Variants in ERBB4 observed in about 807,000 individuals in gnomAD.
ERBB4 encodes the protein erb-b2 receptor tyrosine kinase 4, also known as receptor tyrosine-protein kinase erbB-4.
ERBB4 carries 42 observed loss-of-function variants against 158.0 expected under a neutral mutation model. The ratio of observed to expected loss-of-function variants is 0.27; its 90% confidence interval spans 0.21 to 0.34. The LOEUF is 0.34. Among genes scored for constraint, ERBB4 ranks in the 10% least tolerant of loss-of-function variants. The pLI is 1.00. For synonymous variants in ERBB4, 583 were observed against 558.7 expected, an observed-to-expected ratio of 1.04 and a Z score of -0.61; for missense variants, 1,333 against 1,624.1, an observed-to-expected ratio of 0.82 and a Z score of 3.08.
rs918010432 is a variant in ERBB4, at chr2:211,384,080, T to C, written c.3482-20A>G. On this transcript the variant is annotated intron_variant, in intron 27 of 27. Coordinates refer to ENST00000342788, the MANE Select transcript of ERBB4 (RefSeq NM_005235.3). ...GGTATTCTAAAGGAATAAAAAAATA[T>C]CAGCTAACCTCTAGTTTCTGGAAAA... 5 of 1,560,088 alleles carry C rather than the reference T, an allele frequency of 3.2e-6. No homozygotes were observed. The highest frequency in any genetic ancestry group is 4.4e-6 in the Non-Finnish European group (5 of 1,131,042).
At chr2:212,141,667 T>G (rs1568519) in intron 1 of ERBB4, among the ~76,000 whole-genome samples, 16,841 of 151,940 alleles carry the variant, frequency 0.11, 1,417 homozygotes, top group African/African-American at 0.24. Flanking sequence ...ATTCTCTCTT[T>G]CCATAACCCA....
At chr2:212,112,905 C>T (rs550888639) in intron 2 of ERBB4, among the ~76,000 whole-genome samples, 1 of 152,248 alleles carries the variant, frequency 6.6e-6, no homozygotes, top group Non-Finnish European at 1.5e-5. Flanking sequence ...TTTAACACAG[C>T]TTATTATCTG....
chr2:212,202,377 G>T (rs945116188), intron 1 of ERBB4, among the ~76,000 whole-genome samples: 5 of 151,914 alleles, frequency 3.3e-5, no homozygotes, highest in Non-Finnish European at 7.4e-5. Flanking sequence ...TTGAGATAGG[G>T]TCTCACTGTC....
rs143896296 is a variant in ERBB4, at chr2:211,590,024, G to A, written c.2302-27936C>T. Reference sequence around the variant, plus strand: ...ATTTTCAAATGTACACATTTATTCTGTTTCTAGAAAAATTACTGGCAGAAA... The same window carrying A: ...ATTTTCAAATGTACACATTTATTCTATTTCTAGAAAAATTACTGGCAGAAA... On this transcript the variant is annotated intron_variant, in intron 19 of 27. Transcript: ENST00000342788. Among the ~76,000 whole-genome samples the A allele has an allele frequency of 5.1e-3, 778 of 152,192 alleles. 7 individuals carry two copies. Among genetic ancestry groups the A allele is most frequent in the African/African-American group, 0.018 (740 of 41,538 alleles).
At chr2:211,812,105 C>G (rs555334584) in intron 3 of ERBB4, among the ~76,000 whole-genome samples, 1 of 152,172 alleles carries the variant, frequency 6.6e-6, no homozygotes, top group African/African-American at 2.4e-5. Flanking sequence ...GGAGAAGACG[C>G]GCTCTGCTTT....
At chr2:212,186,077 A>G (rs781449885) in intron 1 of ERBB4, among the ~76,000 whole-genome samples, 70 of 152,202 alleles carry the variant, frequency 4.6e-4, no homozygotes, top group Non-Finnish European at 8.7e-4. Flanking sequence ...TCACCTAACA[A>G]AACCCAAGGC....
At chr2:212,503,857 A>G (rs1024410019) in intron 1 of ERBB4, among the ~76,000 whole-genome samples, 41 of 150,412 alleles carry the variant, frequency 2.7e-4, no homozygotes, top group African/African-American at 8.0e-4. Flanking sequence ...GTTATGTCTT[A>G]AGGGATCTCA....
intron 20 of ERBB4, among the ~76,000 whole-genome samples, chr2:211,450,413 T>C (rs1212573335): frequency 2.6e-5 from 4 of 152,130 alleles, no homozygotes; most frequent in Non-Finnish European, 4.4e-5. Context: ...GTGTGAATGA[T>C]TGATTACAGA....
intron 2 of ERBB4, among the ~76,000 whole-genome samples, chr2:212,018,970 C>A (rs188199287): frequency 6.6e-6 from 1 of 151,986 alleles, no homozygotes; most frequent in Non-Finnish European, 1.5e-5. Context: ...TGAGGGGGAG[C>A]GGTGGTTATG....
At chr2:212,463,661 A>G (rs1257489681) in intron 1 of ERBB4, among the ~76,000 whole-genome samples, 1 of 152,114 alleles carries the variant, frequency 6.6e-6, no homozygotes, top group Non-Finnish European at 1.5e-5. Context: ...GTGTTCTTCT[A>G]CGTGGTAAAA....
At chr2:212,461,226 G>A (rs763488977) in intron 1 of ERBB4, among the ~76,000 whole-genome samples, 1 of 152,108 alleles carries the variant, frequency 6.6e-6, no homozygotes, top group East Asian at 1.9e-4. Flanking sequence ...ACCCAGTGAC[G>A]GCTTGCACCA....
chr2:211,520,409 T>A (rs1181128378), intron 20 of ERBB4, among the ~76,000 whole-genome samples: 1 of 152,122 alleles, frequency 6.6e-6, no homozygotes. Context: ...AAACATGGGT[T>A]GGCAAAATAT....
chr2:211,614,443 G>GATAA (rs2069310883), intron 19 of ERBB4, among the ~76,000 whole-genome samples: 1 of 151,954 alleles, frequency 6.6e-6, no homozygotes, highest in Non-Finnish European at 1.5e-5. Flanking sequence ...TAACTCAAAG[G>GATAA]ATAAATGCTT....
At chr2:212,331,335 A>C (rs1411956752) in intron 1 of ERBB4, among the ~76,000 whole-genome samples, 2 of 151,622 alleles carry the variant, frequency 1.3e-5, no homozygotes. Flanking sequence ...TTAGTATATA[A>C]AACCGAGAAT....
At chr2:212,110,155 C>T (rs978513712) in intron 2 of ERBB4, among the ~76,000 whole-genome samples, 1 of 152,162 alleles carries the variant, frequency 6.6e-6, no homozygotes, top group Non-Finnish European at 1.5e-5. Context: ...TAAATCTTGA[C>T]TAGAGGAGTC....
intron 2 of ERBB4, among the ~76,000 whole-genome samples, chr2:211,955,217 T>C (rs1189729261): frequency 2.0e-5 from 3 of 152,070 alleles, no homozygotes; most frequent in Non-Finnish European, 4.4e-5. Flanking sequence ...GGTGCTAGTG[T>C]TGCTATGAGT....
At chr2:212,352,799 C>T (rs1048880610) in intron 1 of ERBB4, among the ~76,000 whole-genome samples, 1 of 152,008 alleles carries the variant, frequency 6.6e-6, no homozygotes, top group Non-Finnish European at 1.5e-5. Flanking sequence ...ACCTGGGAGG[C>T]AGGGGTTGCA....
At chr2:211,811,746 T>C (rs1044864587) in intron 3 of ERBB4, among the ~76,000 whole-genome samples, 1 of 152,120 alleles carries the variant, frequency 6.6e-6, no homozygotes, top group Non-Finnish European at 1.5e-5. Context: ...ACTTCTCTTC[T>C]CACTTTATTT....
intron 3 of ERBB4, among the ~76,000 whole-genome samples, chr2:211,913,051 G>C (rs1326458926): frequency 6.6e-6 from 1 of 152,096 alleles, no homozygotes; most frequent in Admixed American, 6.6e-5. Flanking sequence ...ATAAGCTTCT[G>C]TACCTCATAA....
Sources: allele counts gnomAD v4.1 joint callset (sites outside exome capture counted in the v4.1 genomes callset), GRCh38; gene constraint gnomAD v4.1.1; transcripts MANE v1.5; gene names NCBI Gene and HGNC (gene_info 2026-07-23, HGNC 2026-07-21).